Variants in LCA5 observed in about 807,000 individuals in gnomAD.
The protein encoded by LCA5 is lebercilin.
A neutral mutation model predicts 53.0 loss-of-function variants in LCA5; 37 were observed. That is an observed-to-expected ratio of 0.70 (90% CI 0.54 to 0.92). The LOEUF is 0.92. Among genes scored for constraint, LCA5 ranks in the 40% least tolerant of loss-of-function variants. LCA5 has a pLI of 0.00. For missense variants in LCA5, 806 were observed against 790.5 expected, an observed-to-expected ratio of 1.02 and a Z score of -0.23; for synonymous variants, 303 against 282.9, an observed-to-expected ratio of 1.07 and a Z score of -0.71.
intron 3 of LCA5, among the ~76,000 whole-genome samples, chr6:79,506,531 T>C (rs187608609): frequency 1.3e-5 from 2 of 152,294 alleles, no homozygotes; most frequent in East Asian, 3.9e-4. Flanking sequence ...TAGGACAGAA[T>C]TGATGCCTTT....
intron 2 of LCA5, among the ~76,000 whole-genome samples, chr6:79,516,551 C>CT (rs1261455150): frequency 6.6e-6 from 1 of 151,878 alleles, no homozygotes; most frequent in African/African-American, 2.4e-5. Flanking sequence ...TCCTAAAACT[C>CT]TGAGTATAAA....
chr6:79,494,337 A>G (rs1210048305), intron 3 of LCA5, among the ~76,000 whole-genome samples: 24 of 152,228 alleles, frequency 1.6e-4, no homozygotes, highest in Non-Finnish European at 5.9e-5. Flanking sequence ...TACCTAGAGT[A>G]AAACATCTCT....
chr6:79,496,459 T>C (rs1222358251), intron 3 of LCA5, among the ~76,000 whole-genome samples: 4 of 152,074 alleles, frequency 2.6e-5, no homozygotes, highest in Non-Finnish European at 5.9e-5. Context: ...ATAAACAAAA[T>C]GTCATATATA....
intron 2 of LCA5, among the ~76,000 whole-genome samples, chr6:79,515,946 C>CA (rs1444134194): frequency 6.6e-6 from 1 of 152,052 alleles, no homozygotes; most frequent in African/African-American, 2.4e-5. Context: ...CTGCCACATA[C>CA]AGCTATTGAG....
At chr6:79,501,959 C>T (rs1246537678) in intron 3 of LCA5, among the ~76,000 whole-genome samples, 2 of 151,830 alleles carry the variant, frequency 1.3e-5, no homozygotes, top group Non-Finnish European at 1.5e-5. Flanking sequence ...AGCATATTTT[C>T]ATGCACCATT....
intron 3 of LCA5, among the ~76,000 whole-genome samples, chr6:79,509,733 C>A (rs2127677646): frequency 6.6e-6 from 1 of 152,006 alleles, no homozygotes; most frequent in South Asian, 2.1e-4. Context: ...TTTTCTAATT[C>A]AGTAAGAATT....
At chr6:79,527,039 G>A (rs1272625946) in intron 1 of LCA5, among the ~76,000 whole-genome samples, 1 of 152,138 alleles carries the variant, frequency 6.6e-6, no homozygotes, top group Non-Finnish European at 1.5e-5. Flanking sequence ...CCAGCCTCAT[G>A]ATTTCCACTT....
chr6:79,515,540 C>T (rs1011419996), intron 2 of LCA5, among the ~76,000 whole-genome samples: 8 of 151,936 alleles, frequency 5.3e-5, no homozygotes, highest in South Asian at 2.1e-4. Flanking sequence ...TTCAGAGCAC[C>T]GGCCCTTTAA....
rs1769844306 is a variant in LCA5, at chr6:79,491,591, AG to A, written c.1094del (p.Thr365IlefsTer18). The A allele has an allele frequency of 6.2e-7, 1 of 1,612,704 alleles. No individual in the cohort carries two copies. The highest frequency in any genetic ancestry group is 8.5e-7 in the Non-Finnish European group (1 of 1,179,012). ...ATAACAATACTGCTAAACTCACCAAAGTAAGATGTCCTGGTTCTTCCCATTT... is the reference window on the plus strand; with the variant it reads ...ATAACAATACTGCTAAACTCACCAAATAAGATGTCCTGGTTCTTCCCATTT... Reference protein sequence around the residue: ...ENKWEEPGHLTLDLQSQKQDR... With the variant: ...ENKWEEPGHLXLDLQSQKQDR... On this transcript the variant is annotated frameshift_variant, in exon 6 of 8. Coordinates refer to ENST00000369846, the MANE Select transcript of LCA5 (RefSeq NM_001122769.3). LOFTEE classifies it high-confidence loss of function.
At chr6:79,492,930 T>C (rs1291345557) in intron 4 of LCA5, among the ~76,000 whole-genome samples, 2 of 152,104 alleles carry the variant, frequency 1.3e-5, no homozygotes, top group African/African-American at 4.8e-5. Flanking sequence ...CTGTCTTAAC[T>C]GAGACACAGA....
intron 3 of LCA5, among the ~76,000 whole-genome samples, chr6:79,505,330 T>C (rs1211941588): frequency 6.6e-6 from 1 of 152,190 alleles, no homozygotes; most frequent in Non-Finnish European, 1.5e-5. Flanking sequence ...TCTTTGATTA[T>C]ACAATAAAAA....
intron 6 of LCA5, among the ~76,000 whole-genome samples, chr6:79,489,795 T>C (rs1235852203): frequency 2.0e-5 from 3 of 152,102 alleles, no homozygotes; most frequent in African/African-American, 7.2e-5. Flanking sequence ...CTAGTATCCA[T>C]TTTCATCTTC....
chr6:79,530,725 G>A lies in LCA5; in HGVS notation c.-192+6440C>T, dbSNP rs891538189. ...AACTTTCCTAGAGAATGGAAACTTA[G>A]ACACTTGTGAAAATTCACTTGTAAA... is the stretch of plus-strand genomic sequence containing the variant. On this transcript the variant is annotated intron_variant, in intron 1 of 7. Coordinates refer to ENST00000369846, the MANE Select transcript of LCA5 (RefSeq NM_001122769.3). Among the ~76,000 whole-genome samples the A allele has an allele frequency of 2.4e-4, 36 of 151,836 alleles. 1 individual carries two copies. Among genetic ancestry groups the A allele is most frequent in the Admixed American group, 2.0e-3 (31 of 15,220 alleles).
chr6:79,492,633 TTC>T lies in LCA5; in HGVS notation c.871_872del (p.Glu291ThrfsTer9). On this transcript the variant is annotated frameshift_variant, in exon 5 of 8. Coordinates refer to ENST00000369846, the MANE Select transcript of LCA5 (RefSeq NM_001122769.3). LOFTEE classifies it high-confidence loss of function. ...TAGAATATATATTTTTTATATCCAGTTCTCTCTCCTTTTCCTGAAAACAAACG... is the reference window on the plus strand; with the variant it reads ...TAGAATATATATTTTTTATATCCAGTTCTCTCCTTTTCCTGAAAACAAACG... ...LYHKLKEKER[E>X]LDIKNIYSNR... The T allele has an allele frequency of 6.5e-7, 1 of 1,528,402 alleles. No homozygotes were observed. The highest frequency in any genetic ancestry group is 1.8e-5 in the Admixed American group (1 of 57,140). The allele number at this position is 1,528,402 out of a possible 1,614,324, so 94.7% of individuals were successfully genotyped here.
chr6:79,498,558 G>C (rs145078506), intron 3 of LCA5, among the ~76,000 whole-genome samples: 74 of 152,124 alleles, frequency 4.9e-4, no homozygotes, highest in Non-Finnish European at 9.3e-4. Context: ...AATACATTCA[G>C]ACAACTACTA....
chr6:79,491,895 A>T (rs1769855746), intron 5 of LCA5, among the ~76,000 whole-genome samples, 165 bp from the exon 6 acceptor site: 2 of 152,022 alleles, frequency 1.3e-5, no homozygotes, highest in Non-Finnish European at 2.9e-5. Flanking sequence ...ACCTATATAT[A>T]TTCACCATAT....
intron 1 of LCA5, among the ~76,000 whole-genome samples, chr6:79,534,590 T>C (rs950282688): frequency 4.0e-5 from 6 of 151,862 alleles, no homozygotes; most frequent in Admixed American, 2.0e-4. Flanking sequence ...GTACTAATGA[T>C]AAAAGGAAGC....
At position 79,504,378 on chromosome 6, in the gene LCA5, T is replaced by C. The variant is rs77546725; in HGVS notation, c.720+8834A>G. Among the ~76,000 whole-genome samples, 700 of 152,284 alleles carry C rather than the reference T, an allele frequency of 4.6e-3. 6 individuals are homozygous for C. Among genetic ancestry groups the C allele is most frequent in the African/African-American group, 0.016 (671 of 41,558 alleles). On this transcript the variant is annotated intron_variant, in intron 3 of 7. Coordinates refer to ENST00000369846, the MANE Select transcript of LCA5 (RefSeq NM_001122769.3). ...AGTTTATTTGAGCCAATTCACAAAC[T>C]GGGCAGCAACTAGAACCAGAATAGG... is the stretch of plus-strand genomic sequence containing the variant.
chr6:79,523,884 A>C (rs1766700888), intron 1 of LCA5, among the ~76,000 whole-genome samples: 2 of 152,228 alleles, frequency 1.3e-5, no homozygotes, highest in African/African-American at 4.8e-5. Context: ...TCCCTGAAAC[A>C]ACCATTTTAA....
Sources: gnomAD v4.1 joint callset for allele counts (sites outside exome capture counted in the v4.1 genomes callset) on GRCh38, gnomAD v4.1.1 for gene constraint, MANE v1.5 for transcripts, NCBI Gene and HGNC (gene_info 2026-07-23, HGNC 2026-07-21) for gene names.